ZDHHC5: variants seen among roughly 807,000 people sequenced by gnomAD.
The protein encoded by ZDHHC5 is zDHHC palmitoyltransferase 5, also known as palmitoyltransferase ZDHHC5.
ZDHHC5 carries 22 observed loss-of-function variants against 70.0 expected under a neutral mutation model. The ratio of observed to expected loss-of-function variants is 0.31; its 90% confidence interval spans 0.22 to 0.45. The LOEUF (loss-of-function observed/expected upper bound fraction) is 0.45, where lower values mean the gene tolerates loss of function less well. Among genes scored for constraint, ZDHHC5 ranks in the 20% least tolerant of loss-of-function variants. The pLI, the probability that ZDHHC5 is intolerant of heterozygous loss-of-function variation, is 1.00. For missense variants in ZDHHC5, 746 were observed against 926.9 expected, an observed-to-expected ratio of 0.80 and a Z score of 2.53; for synonymous variants, 313 against 347.8, an observed-to-expected ratio of 0.90 and a Z score of 1.11.
chr11:57,699,163 G>T lies in ZDHHC5; in HGVS notation c.1727G>T (p.Gly576Val). ...LGDSGIQSTPGSGHAPRTSSS... is the reference protein window; with the variant it reads ...LGDSGIQSTPVSGHAPRTSSS... ...GACTCAGGCATTCAGTCAACACCAG[G>T]CTCGGGCCATGCCCCTCGTACTAGT... The change falls in exon 11 of 12, where the codon GGC becomes GTC. Residue 576 changes from glycine (G) to valine (V), a missense_variant. Gly to Val is a moderately radical substitution (Grantham distance 109, BLOSUM62 -3). This residue lies in a region of ZDHHC5 where 340 missense variants were observed against 350.1 expected (regional missense o/e 0.97). Coordinates refer to ENST00000287169, the MANE Select transcript of ZDHHC5 (RefSeq NM_015457.3). 6.2e-7 allele frequency: 1 copy of T among 1,614,274 alleles called. No homozygotes were observed. Among genetic ancestry groups the T allele is most frequent in the Non-Finnish European group, 8.5e-7 (1 of 1,180,046 alleles).
intron 2 of ZDHHC5, 146 bp from the exon 3 acceptor site, chr11:57,682,276 G>T (rs1053242960): frequency 2.7e-6 from 3 of 1,105,932 alleles, no homozygotes; most frequent in Non-Finnish European, 3.7e-6. Flanking sequence ...TAGTGGGAAA[G>T]ATAAAGATAA....
At chr11:57,699,613 C>T (rs2135408248) in intron 11 of ZDHHC5, among the ~76,000 whole-genome samples, 195 bp downstream of exon 11, 1 of 152,270 alleles carries the variant, frequency 6.6e-6, no homozygotes, top group Admixed American at 6.5e-5. Flanking sequence ...ATACTTTTTC[C>T]ATAATGCTAT....
At chr11:57,683,234 A>G (rs1407037330) in intron 3 of ZDHHC5, among the ~76,000 whole-genome samples, 1 of 152,236 alleles carries the variant, frequency 6.6e-6, no homozygotes. Context: ...AATAGATCAT[A>G]CATTTTCCTT....
At chr11:57,694,436 A>G (rs1019228822) in intron 8 of ZDHHC5, among the ~76,000 whole-genome samples, 5 of 151,258 alleles carry the variant, frequency 3.3e-5, no homozygotes, top group Admixed American at 2.6e-4. Context: ...ATCTCAGCTC[A>G]CTGCAACCTC....
Position 57,672,823 on chromosome 11 carries a change from G to C in ZDHHC5, c.-268G>C, listed in dbSNP as rs1946023407. ...CCAGTTTTTAAACTGTACAAGTTGTGTTTCTTAATCTTCCCTTCTGCCTTG... is the reference window on the plus strand; with the variant it reads ...CCAGTTTTTAAACTGTACAAGTTGTCTTTCTTAATCTTCCCTTCTGCCTTG... On this transcript the variant is annotated 5_prime_UTR_variant, in exon 2 of 12. Coordinates refer to ENST00000287169, the MANE Select transcript of ZDHHC5 (RefSeq NM_015457.3). The C allele has an allele frequency of 4.8e-6, 2 of 415,730 alleles. No homozygotes were observed. The highest frequency in any genetic ancestry group is 4.8e-5 in the South Asian group (2 of 41,756). The allele number at this position is 415,730 out of a possible 1,614,324, so 25.8% of individuals were successfully genotyped here. A position where few individuals can be genotyped will look rare whatever the true frequency, so the allele number is the denominator to read the frequency against.
chr11:57,683,280 A>G (rs1946170323), intron 3 of ZDHHC5, among the ~76,000 whole-genome samples: 1 of 152,254 alleles, frequency 6.6e-6, no homozygotes, highest in African/African-American at 2.4e-5. Context: ...AGGACTCAAC[A>G]TCAGAATTCC....
chr11:57,669,058 C>A (rs503037), intron 1 of ZDHHC5, among the ~76,000 whole-genome samples: 4 of 152,036 alleles, frequency 2.6e-5, no homozygotes, highest in Admixed American at 2.6e-4. Context: ...CTCAGTATAC[C>A]TCTGTCCTGG....
chr11:57,678,384 C>T (rs1565191541), intron 2 of ZDHHC5, among the ~76,000 whole-genome samples: 1 of 151,976 alleles, frequency 6.6e-6, no homozygotes, highest in South Asian at 2.1e-4. Flanking sequence ...TCCTGGCTAA[C>T]ACGGTGAAAC....
intron 2 of ZDHHC5, among the ~76,000 whole-genome samples, chr11:57,677,810 G>A (rs148492950): frequency 7.2e-5 from 11 of 152,256 alleles, no homozygotes; most frequent in Non-Finnish European, 1.6e-4. Flanking sequence ...AGTGGGAGCA[G>A]CCTTGTGATT....
chr11:57,676,437 C>T (rs1355713920), intron 2 of ZDHHC5, among the ~76,000 whole-genome samples: 1 of 152,144 alleles, frequency 6.6e-6, no homozygotes, highest in East Asian at 1.9e-4. Context: ...TACTTGGATG[C>T]TTATCTATCT....
intron 2 of ZDHHC5, among the ~76,000 whole-genome samples, chr11:57,675,809 C>T (rs546669637): frequency 6.4e-4 from 98 of 152,342 alleles, no homozygotes; most frequent in Non-Finnish European, 8.8e-5. Context: ...TTCTTAAAAA[C>T]TATCCTCTCA....
In ZDHHC5 at chr11:57,697,054, G is replaced by C. The variant is rs573134042; in HGVS notation, c.1122+181G>C. ...TACTAAAAATACAAAAATTAGGCCA[G>C]GCGTGGTGGCTCACGCCTGTAATCC... On this transcript the variant is annotated intron_variant, in intron 10 of 11. Transcript: ENST00000287169. Among the ~76,000 whole-genome samples, 6 of 150,256 alleles carry C rather than the reference G, an allele frequency of 4.0e-5. No homozygotes were observed. The South Asian group carries it at 1.3e-3, about 32-fold the overall frequency.
chr11:57,690,246 G>T, intron 5 of ZDHHC5, 43 bp downstream of exon 5: 2 of 1,613,232 alleles, frequency 1.2e-6, no homozygotes, highest in Non-Finnish European at 1.7e-6. Flanking sequence ...GGAAGGGGGA[G>T]GAATGAGGGC....
At chr11:57,685,669 TAAAAAG>T (rs1946199882) in intron 3 of ZDHHC5, among the ~76,000 whole-genome samples, 1 of 151,658 alleles carries the variant, frequency 6.6e-6, no homozygotes, top group Non-Finnish European at 1.5e-5. Context: ...AAATAAAAAA[TAAAAAG>T]GTCATTCCTT....
At position 57,672,944 on chromosome 11, in the gene ZDHHC5, GA is replaced by G. The variant is rs1946024839; in HGVS notation, c.-146del. On this transcript the variant is annotated 5_prime_UTR_variant, in exon 2 of 12. Coordinates refer to ENST00000287169, the MANE Select transcript of ZDHHC5 (RefSeq NM_015457.3). ...TCTTTTGACCTTTGGCTTTATTTGGGAGGGGGAAGGGTGATAAAGTTTTCTG... is the reference window on the plus strand; with the variant it reads ...TCTTTTGACCTTTGGCTTTATTTGGGGGGGGAAGGGTGATAAAGTTTTCTG... The G allele has an allele frequency of 1.6e-6, 1 of 635,426 alleles. No homozygotes were observed. The highest frequency in any genetic ancestry group is 1.8e-5 in the African/African-American group (1 of 54,286). The allele number at this position is 635,426 out of a possible 1,614,324, so 39.4% of individuals were successfully genotyped here.
chr11:57,688,804 T>C (rs2135394816), intron 4 of ZDHHC5, 139 bp downstream of exon 4: 1 of 896,034 alleles, frequency 1.1e-6, no homozygotes, highest in Non-Finnish European at 1.5e-6. Context: ...TGTCAAATGG[T>C]GTTAATAATG....
In ZDHHC5 at chr11:57,700,413, T is replaced by C. The variant is rs1197036708; in HGVS notation, c.*382T>C. 7.5e-6 allele frequency: 1 copy of C among 133,178 alleles called. No homozygotes were observed. The highest frequency in any genetic ancestry group is 2.7e-5 in the African/African-American group (1 of 37,584). 8.2% of individuals were successfully genotyped at this position (133,178 alleles called of 1,614,324 possible). ...GCGTTACCAGGTGTGTGTGTACATA[T>C]AATATATATATATATATATTATAAA... On this transcript the variant is annotated 3_prime_UTR_variant, in exon 12 of 12. Transcript: ENST00000287169.
rs1314053533 is a variant in ZDHHC5, at chr11:57,699,132, T to C, written c.1696T>C (p.Leu566=). Reference sequence around the variant, plus strand: ...CCCGGGCCGTGAGGAAGAACCAGGCTTGGGGGACTCAGGCATTCAGTCAAC... The same window carrying C: ...CCCGGGCCGTGAGGAAGAACCAGGCCTGGGGGACTCAGGCATTCAGTCAAC... The part of the protein sequence containing the change: ...PLPGREEEPG[L]GDSGIQSTPG... The change falls in exon 11 of 12, where the codon TTG becomes CTG. Residue 566 remains leucine (L), a synonymous_variant. Coordinates refer to ENST00000287169, the MANE Select transcript of ZDHHC5 (RefSeq NM_015457.3). The C allele has an allele frequency of 4.3e-6, 7 of 1,614,222 alleles. No individual in the cohort carries two copies. Among genetic ancestry groups the C allele is most frequent in the Non-Finnish European group, 5.9e-6 (7 of 1,180,042 alleles).
At chr11:57,683,948 A>T (rs373213814) in intron 3 of ZDHHC5, among the ~76,000 whole-genome samples, 2 of 149,680 alleles carry the variant, frequency 1.3e-5, no homozygotes, top group Non-Finnish European at 1.5e-5. Context: ...CAAATTTCCC[A>T]TTTTTTTTGG....
Sources: gnomAD v4.1 joint callset for allele counts (sites outside exome capture counted in the v4.1 genomes callset) on GRCh38, gnomAD v4.1.1 for gene constraint, gnomAD v4.1.1 regional missense constraint, MANE v1.5 for transcripts, NCBI Gene and HGNC (gene_info 2026-07-23, HGNC 2026-07-21) for gene names.